RBM27: variants seen among roughly 807,000 people sequenced by gnomAD.
RBM27 encodes RNA-binding protein 27.
RBM27 carries 22 observed loss-of-function variants against 135.3 expected under a neutral mutation model. That is an observed-to-expected ratio of 0.16 (90% CI 0.12 to 0.23). RBM27 has a LOEUF of 0.23. Ranked by LOEUF, RBM27 falls within the 10% of genes least tolerant of loss-of-function variation. The pLI is 1.00. For synonymous variants in RBM27, 481 were observed against 442.4 expected, an observed-to-expected ratio of 1.09 and a Z score of -1.10; for missense variants, 1,009 against 1,281.0, an observed-to-expected ratio of 0.79 and a Z score of 3.24.
intron 1 of RBM27, among the ~76,000 whole-genome samples, chr5:146,218,338 G>C (rs974246408): frequency 6.6e-6 from 1 of 152,074 alleles, no homozygotes; most frequent in African/African-American, 2.4e-5. Context: ...GTAGATAAAG[G>C]TTATCTCTGC....
chr5:146,261,523 G>A lies in RBM27; in HGVS notation c.1907G>A (p.Gly636Asp). 6.2e-7 allele frequency: 1 copy of A among 1,613,760 alleles called. No individual in the cohort carries two copies. Among genetic ancestry groups the A allele is most frequent in the South Asian group, 1.1e-5 (1 of 91,078 alleles). Residue 636 changes from glycine to aspartate, a missense_variant, in exon 13 of 21, where the codon GGT becomes GAT. By Grantham distance (94) the Gly-to-Asp change is moderately conservative (BLOSUM62 -1). Coordinates refer to ENST00000265271, the MANE Select transcript of RBM27 (RefSeq NM_018989.2). ...TIVNIQVAFK[G>D]DPEAALIQYL... is the part of the protein sequence containing the mutation. ...ATTTTCTTCAAGGTTGCTTTTAAGG[G>A]TGACCCAGAAGCAGCCCTAATCCAA...
At chr5:146,239,472 C>CTTTTTTTTTTTTTTTTTTTTTTTTT (rs916182587) in intron 8 of RBM27, among the ~76,000 whole-genome samples, 5 of 55,360 alleles carry the variant, frequency 9.0e-5, no homozygotes, top group Non-Finnish European at 1.4e-4. Flanking sequence ...TTTTCCTTTT[C>CTTTTTTTTTTTTTTTTTTTTTTTTT]TTTTTTTTTT....
intron 13 of RBM27, among the ~76,000 whole-genome samples, chr5:146,262,730 G>C (rs1235421613): frequency 6.6e-6 from 1 of 152,180 alleles, no homozygotes. Flanking sequence ...GGTGAATAGT[G>C]TAGAAAAGAG....
At chr5:146,267,153 G>T (rs1758650577) in intron 14 of RBM27, among the ~76,000 whole-genome samples, 1 of 152,150 alleles carries the variant, frequency 6.6e-6, no homozygotes, top group Non-Finnish European at 1.5e-5. Flanking sequence ...CTTATTTTAG[G>T]ATTTTGGCTA....
At position 146,288,104 on chromosome 5, in the gene RBM27, A is replaced by G. The variant is rs972806417; in HGVS notation, c.*2074A>G. 6.6e-6 allele frequency: 1 copy of G among 151,954 alleles called. No homozygotes were observed. The highest frequency in any genetic ancestry group is 1.5e-5 in the Non-Finnish European group (1 of 67,928). The allele number at this position is 151,954 out of a possible 1,614,324, so 9.4% of individuals were successfully genotyped here. On this transcript the variant is annotated 3_prime_UTR_variant, in exon 21 of 21. Transcript: ENST00000265271. ...TAAAACTACCAGCGTATAGATTTCA[A>G]TAAGAATTGTTGTATTTTTGTATTT... is the stretch of plus-strand genomic sequence containing the variant.
chr5:146,233,357 T>C (rs1757018034), intron 6 of RBM27, 93 bp from the exon 7 acceptor site: 67 of 1,466,378 alleles, frequency 4.6e-5, no homozygotes, highest in Non-Finnish European at 5.8e-5. Context: ...ACTTTGTAAA[T>C]GAGATTGGTG....
intron 19 of RBM27, among the ~76,000 whole-genome samples, chr5:146,276,774 G>A (rs979452876): frequency 5.9e-5 from 9 of 151,534 alleles, no homozygotes; most frequent in African/African-American, 2.2e-4. Context: ...AGTAATGTAG[G>A]CCTGGCTTGG....
At chr5:146,223,765 A>C (rs1050164909) in intron 3 of RBM27, among the ~76,000 whole-genome samples, 3 of 152,212 alleles carry the variant, frequency 2.0e-5, no homozygotes, top group African/African-American at 7.2e-5. Flanking sequence ...AAGTCAGAGA[A>C]ATCTTATCTA....
intron 8 of RBM27, among the ~76,000 whole-genome samples, chr5:146,243,861 G>A (rs1156449411): frequency 1.3e-5 from 2 of 152,046 alleles, no homozygotes; most frequent in African/African-American, 2.4e-5. Flanking sequence ...ACAGAAAAAC[G>A]AAATCTGGAT....
intron 1 of RBM27, among the ~76,000 whole-genome samples, chr5:146,204,109 G>T (rs1036432317): frequency 6.6e-6 from 1 of 152,214 alleles, no homozygotes; most frequent in Non-Finnish European, 1.5e-5. Flanking sequence ...AGCAGGGGCC[G>T]TGAGGGAATT....
chr5:146,251,891 G>A lies in RBM27; in HGVS notation c.1444+16G>A, dbSNP rs1364234692. 3 of 1,611,318 alleles carry A rather than the reference G, an allele frequency of 1.9e-6. No homozygotes were observed. The highest frequency in any genetic ancestry group is 2.5e-6 in the Non-Finnish European group (3 of 1,177,792). ...CTGGTTCCAGGTAAGCTTTGCTACA[G>A]ATGGCCATCCACCTCACTGATCTTT... On this transcript the variant is annotated intron_variant, in intron 9 of 20. Transcript: ENST00000265271.
intron 4 of RBM27, 122 bp from the exon 5 acceptor site, chr5:146,229,595 C>A: frequency 1.2e-6 from 1 of 800,390 alleles, no homozygotes; most frequent in South Asian, 2.2e-5. Flanking sequence ...GGTAGATTTG[C>A]AACTTTCTAA....
intron 12 of RBM27, 58 bp downstream of exon 12, chr5:146,260,956 T>G: frequency 1.2e-5 from 18 of 1,486,508 alleles, no homozygotes; most frequent in Non-Finnish European, 1.6e-5. Flanking sequence ...TGGGAATATT[T>G]CTATCAGCTC....
chr5:146,214,600 G>A (rs912638496), intron 1 of RBM27, among the ~76,000 whole-genome samples: 7 of 152,072 alleles, frequency 4.6e-5, no homozygotes, highest in African/African-American at 1.7e-4. Flanking sequence ...GGGGTCAATG[G>A]GTGAAAGAAT....
At chr5:146,206,835 G>C (rs543099705) in intron 1 of RBM27, among the ~76,000 whole-genome samples, 1 of 152,070 alleles carries the variant, frequency 6.6e-6, no homozygotes, top group Non-Finnish European at 1.5e-5. Context: ...CACCCACCTC[G>C]GCCTCCCAAA....
In RBM27 at chr5:146,286,949, C is replaced by G. The variant is rs1008223689; in HGVS notation, c.*919C>G. ...TCCAATAAAAGGTTCAAACCAGCAC[C>G]TGGATAAATAAGTGATGTTTTGATG... On this transcript the variant is annotated 3_prime_UTR_variant, in exon 21 of 21. Coordinates refer to ENST00000265271, the MANE Select transcript of RBM27 (RefSeq NM_018989.2). 2.6e-5 allele frequency: 4 copies of G among 152,526 alleles called. No individual in the cohort carries two copies. Among genetic ancestry groups the G allele is most frequent in the African/African-American group, 9.6e-5 (4 of 41,490 alleles). 9.4% of individuals were successfully genotyped at this position (152,526 alleles called of 1,614,324 possible). A position where few individuals can be genotyped will look rare whatever the true frequency, so the allele number is the denominator to read the frequency against.
chr5:146,261,233 G>T, intron 12 of RBM27: 1 of 541,782 alleles, frequency 1.8e-6, no homozygotes, highest in East Asian at 3.1e-5. Flanking sequence ...TTGGCTTCTT[G>T]TGTTCTCACA....
At chr5:146,283,308 G>A (rs543164730) in intron 19 of RBM27, among the ~76,000 whole-genome samples, 3 of 152,270 alleles carry the variant, frequency 2.0e-5, no homozygotes, top group South Asian at 4.1e-4. Flanking sequence ...GGGAGGCTAA[G>A]GTGGGAGAAT....
At chr5:146,254,863 G>C (rs1046239121) in intron 9 of RBM27, 80 bp from the exon 10 acceptor site, 1 of 1,249,114 alleles carries the variant, frequency 8.0e-7, no homozygotes, top group African/African-American at 1.5e-5. Context: ...TTTTTAAGCA[G>C]TTGTTTATTT....
Sources: gnomAD v4.1 joint callset for allele counts (sites outside exome capture counted in the v4.1 genomes callset) on GRCh38, gnomAD v4.1.1 for gene constraint, MANE v1.5 for transcripts, NCBI Gene and HGNC (gene_info 2026-07-23, HGNC 2026-07-21) for gene names.